ANKRD13A: variants seen among roughly 807,000 people sequenced by gnomAD.
The protein encoded by ANKRD13A is ankyrin repeat domain-containing protein 13A.
Under a neutral mutation model 81.3 loss-of-function variants are expected in ANKRD13A, and 48 were observed. The ratio of observed to expected loss-of-function variants is 0.59; its 90% CI spans 0.47 to 0.75. ANKRD13A has a LOEUF of 0.75. Ranked by LOEUF, ANKRD13A falls within the 30% of genes least tolerant of loss-of-function variation. The pLI, the probability that ANKRD13A is intolerant of heterozygous loss-of-function variation, is 0.00. For synonymous variants in ANKRD13A, 230 were observed against 270.1 expected, an observed-to-expected ratio of 0.85 and a Z score of 1.45; for missense variants, 612 against 734.0, an observed-to-expected ratio of 0.83 and a Z score of 1.92.
In ANKRD13A at chr12:110,039,601, T is replaced by C. The variant is rs1017386259; in HGVS notation, c.*2047T>C. Reference sequence around the variant, plus strand: ...TTCCTGCCCAGGTTAACAAGCCCCATGCTGCTTGTTTCAAATGGCAACTAA... The same window carrying C: ...TTCCTGCCCAGGTTAACAAGCCCCACGCTGCTTGTTTCAAATGGCAACTAA... On this transcript the variant is annotated 3_prime_UTR_variant, in exon 15 of 15. Coordinates refer to ENST00000261739, the MANE Select transcript of ANKRD13A (RefSeq NM_033121.2). 1 of 152,260 alleles carries C rather than the reference T, an allele frequency of 6.6e-6. No homozygotes were observed. The highest frequency in any genetic ancestry group is 2.4e-5 in the African/African-American group (1 of 41,460). 9.4% of individuals were successfully genotyped at this position (152,260 alleles called of 1,614,324 possible).
In ANKRD13A at chr12:110,039,534, C is replaced by T. The variant is rs897138576; in HGVS notation, c.*1980C>T. 1 of 152,212 alleles carries T rather than the reference C, an allele frequency of 6.6e-6. No individual in the cohort carries two copies. The highest frequency in any genetic ancestry group is 6.5e-5 in the Admixed American group (1 of 15,276). The allele number at this position is 152,212 out of a possible 1,614,324, so 9.4% of individuals were successfully genotyped here. A position where few individuals can be genotyped will look rare whatever the true frequency, so the allele number is the denominator to read the frequency against. On this transcript the variant is annotated 3_prime_UTR_variant, in exon 15 of 15. Coordinates refer to ENST00000261739, the MANE Select transcript of ANKRD13A (RefSeq NM_033121.2). ...AGTAGAACATTAGAATGCCTCACTTCGCTCAGTTCATCACTGCAAAGGTGG... is the reference window on the plus strand; with the variant it reads ...AGTAGAACATTAGAATGCCTCACTTTGCTCAGTTCATCACTGCAAAGGTGG...
intron 3 of ANKRD13A, among the ~76,000 whole-genome samples, chr12:110,015,967 T>TC (rs1215427427): frequency 6.6e-6 from 1 of 151,720 alleles, no homozygotes; most frequent in East Asian, 1.9e-4. Flanking sequence ...TTTTTTTTTT[T>TC]TCCATACAGT....
At position 110,036,613 on chromosome 12, in the gene ANKRD13A, A is replaced by G. The variant is rs1892065781; in HGVS notation, c.1577+285A>G. On this transcript the variant is annotated intron_variant, in intron 14 of 14. Coordinates refer to ENST00000261739, the MANE Select transcript of ANKRD13A (RefSeq NM_033121.2). This position sits in a 1 kb window ranked among gnomAD's most constrained non-coding sequence, Gnocchi z 4.6. ...AAAAAATACAAAAAATTAGCCGGGCATGGTGCCAGGCACCTGTAGTCTCAG... is the reference window on the plus strand; with the variant it reads ...AAAAAATACAAAAAATTAGCCGGGCGTGGTGCCAGGCACCTGTAGTCTCAG... 6.6e-6 allele frequency among the ~76,000 whole-genome samples: 1 copy of G among 152,188 alleles called. No homozygotes were observed.
Position 110,028,544 on chromosome 12 carries a change from C to G in ANKRD13A, c.978C>G (p.Asn326Lys), listed in dbSNP as rs1340882691. 1 of 1,614,064 alleles carries G rather than the reference C, an allele frequency of 6.2e-7. No individual in the cohort carries two copies. Among genetic ancestry groups the G allele is most frequent in the Admixed American group, 1.7e-5 (1 of 60,002 alleles). ...CCACGGAATGTGCTACTGCAAACAA[C>G]CCCACAGCCATCACGCCTGATGAGT... ...DLTTECATANNPTAITPDEYF... is the reference protein window; with the variant it reads ...DLTTECATANKPTAITPDEYF... Residue 326 changes from asparagine (N) to lysine (K), a missense_variant, in exon 10 of 15, where the codon AAC becomes AAG. Physicochemically the swap from Asn to Lys is moderately conservative, Grantham distance 94. Coordinates refer to ENST00000261739, the MANE Select transcript of ANKRD13A (RefSeq NM_033121.2).
intron 6 of ANKRD13A, 67 bp downstream of exon 6, chr12:110,019,395 A>G: frequency 7.0e-7 from 1 of 1,421,050 alleles, no homozygotes; most frequent in Non-Finnish European, 9.5e-7. Context: ...ACATGTATGT[A>G]TTAATTGTAA....
At chr12:110,026,693 C>T (rs947764208) in intron 8 of ANKRD13A, among the ~76,000 whole-genome samples, 1 of 152,032 alleles carries the variant, frequency 6.6e-6, no homozygotes, top group East Asian at 1.9e-4. Flanking sequence ...ACCAGCCTGG[C>T]CAATATGGTG....
chr12:110,036,390 C>A lies in ANKRD13A; in HGVS notation c.1577+62C>A. 1 of 1,515,210 alleles carries A rather than the reference C, an allele frequency of 6.6e-7. No individual in the cohort carries two copies. Among genetic ancestry groups the A allele is most frequent in the Non-Finnish European group, 9.2e-7 (1 of 1,090,760 alleles). The allele number at this position is 1,515,210 out of a possible 1,614,324, so 93.9% of individuals were successfully genotyped here. A position where few individuals can be genotyped will look rare whatever the true frequency, so the allele number is the denominator to read the frequency against. On this transcript the variant is annotated intron_variant, in intron 14 of 14. Coordinates refer to ENST00000261739, the MANE Select transcript of ANKRD13A (RefSeq NM_033121.2). This position sits in a 1 kb window ranked among gnomAD's most constrained non-coding sequence, Gnocchi z 4.6. ...GAACACAGGCCTGGACACAGGCGAGCAGACGCGTGGCACTGTGCATTTGGT... is the reference window on the plus strand; with the variant it reads ...GAACACAGGCCTGGACACAGGCGAGAAGACGCGTGGCACTGTGCATTTGGT...
rs1393817861 is a variant in ANKRD13A at position 110,037,767 on chromosome 12, C to T, written c.*213C>T. 2.2e-6 allele frequency: 1 copy of T among 463,592 alleles called. No individual in the cohort carries two copies. Among genetic ancestry groups the T allele is most frequent in the Non-Finnish European group, 3.8e-6 (1 of 260,568 alleles). 28.7% of individuals were successfully genotyped at this position (463,592 alleles called of 1,614,324 possible). A position where few individuals can be genotyped will look rare whatever the true frequency, so the allele number is the denominator to read the frequency against. On this transcript the variant is annotated 3_prime_UTR_variant, in exon 15 of 15. Transcript: ENST00000261739. ...AGAAGGGACCAGGGATTGCAGGCCC[C>T]ATCTCCAGGCTAAGGGGAGGAGAGC...
chr12:110,037,178 T>C (rs59547241), intron 14 of ANKRD13A, among the ~76,000 whole-genome samples, 181 bp from the exon 15 acceptor site: 4 of 152,042 alleles, frequency 2.6e-5, no homozygotes, highest in African/African-American at 4.8e-5. Flanking sequence ...TTGGGCAAGA[T>C]TGTGGGGTTT....
At position 110,019,302 on chromosome 12, in the gene ANKRD13A, C is replaced by T. The variant is rs766659939; in HGVS notation, c.708C>T (p.Leu236=). ...CAAGCCCTGTCATTAACACCAGCCT[C>T]GATACTAAAAATATTGCTTTTGAAA... is the stretch of plus-strand genomic sequence containing the variant. ...RLTSPVINTS[L]DTKNIAFERT... is the part of the protein sequence containing the mutation. The change falls in exon 6 of 15, where the codon CTC becomes CTT. Residue 236 remains leucine, a synonymous_variant. Transcript: ENST00000261739. 8.7e-6 allele frequency: 14 copies of T among 1,607,992 alleles called. No homozygotes were observed. Among genetic ancestry groups the T allele is most frequent in the Middle Eastern group, 1.7e-4 (1 of 6,024 alleles).
chr12:110,000,046 C>T (rs1712025635), intron 1 of ANKRD13A, among the ~76,000 whole-genome samples: 1 of 152,188 alleles, frequency 6.6e-6, no homozygotes, highest in Non-Finnish European at 1.5e-5. Flanking sequence ...GAGAAGGAAA[C>T]AGGTCCTCAG....
At chr12:110,034,067 C>T in intron 13 of ANKRD13A, 110 bp downstream of exon 13, 2 of 1,169,116 alleles carry the variant, frequency 1.7e-6, no homozygotes, top group East Asian at 2.7e-5. Context: ...AAGTTTGACA[C>T]ATTCATGGTA....
intron 1 of ANKRD13A, among the ~76,000 whole-genome samples, chr12:110,008,151 G>C (rs1035584699): frequency 3.9e-5 from 6 of 152,122 alleles, no homozygotes; most frequent in Non-Finnish European, 1.5e-5. Context: ...TGCTTTTTGA[G>C]GAAGTTTCCT....
chr12:110,005,607 T>C (rs1175719553), intron 1 of ANKRD13A, among the ~76,000 whole-genome samples: 1 of 152,222 alleles, frequency 6.6e-6, no homozygotes, highest in Non-Finnish European at 1.5e-5. Context: ...TTCTTTTACT[T>C]AGCATAATGT....
At chr12:110,026,812 G>T (rs140105280) in intron 8 of ANKRD13A, among the ~76,000 whole-genome samples, 1,795 of 152,206 alleles carry the variant, frequency 0.012, 22 homozygotes, top group Non-Finnish European at 0.019. Flanking sequence ...AACCCCAGAG[G>T]TGGAGGTTGC....
At chr12:110,020,199 T>C (rs1289713529) in intron 6 of ANKRD13A, among the ~76,000 whole-genome samples, 1 of 152,106 alleles carries the variant, frequency 6.6e-6, no homozygotes, top group African/African-American at 2.4e-5. Flanking sequence ...TGGACGCTAT[T>C]ATCCTTATAG....
At position 110,028,015 on chromosome 12, in the gene ANKRD13A, A is replaced by G. The variant is rs1426107854; in HGVS notation, c.945+249A>G. On this transcript the variant is annotated intron_variant, in intron 9 of 14. Transcript: ENST00000261739. ...CTTTCCCTCTTATCCATTATAAACGAGGGGCCTCTTTATAGAAATGGAACT... is the reference window on the plus strand; with the variant it reads ...CTTTCCCTCTTATCCATTATAAACGGGGGGCCTCTTTATAGAAATGGAACT... 3 of 495,338 alleles carry G rather than the reference A, an allele frequency of 6.1e-6. No homozygotes were observed. In the Admixed American group the frequency reaches 1.1e-4, roughly 18 times the overall value. 30.7% of individuals were successfully genotyped at this position (495,338 alleles called of 1,614,324 possible). A position where few individuals can be genotyped will look rare whatever the true frequency, so the allele number is the denominator to read the frequency against.
At chr12:110,035,952 GC>G (rs1892019034) in intron 13 of ANKRD13A, among the ~76,000 whole-genome samples, 1 of 152,120 alleles carries the variant, frequency 6.6e-6, no homozygotes, top group Non-Finnish European at 1.5e-5. Context: ...CTTGAACTTT[GC>G]CCAAGGTCAG....
chr12:110,023,150 C>T (rs1036967521), intron 6 of ANKRD13A, among the ~76,000 whole-genome samples: 2 of 152,194 alleles, frequency 1.3e-5, no homozygotes, highest in African/African-American at 2.4e-5. Flanking sequence ...AGGCTGTTGC[C>T]GTAGCCAGGG....
Sources: allele counts gnomAD v4.1 joint callset (sites outside exome capture counted in the v4.1 genomes callset), GRCh38; gene constraint gnomAD v4.1.1; non-coding constraint Gnocchi (gnomAD v3.1); transcripts MANE v1.5; gene names NCBI Gene and HGNC (gene_info 2026-07-23, HGNC 2026-07-21).